C4orf36: variants seen among roughly 807,000 people sequenced by gnomAD.
C4orf36 encodes the protein chromosome 4 open reading frame 36.
C4orf36 carries 11 observed loss-of-function variants against 12.2 expected under a neutral mutation model. That is an observed-to-expected ratio of 0.90 (90% CI 0.57 to 1.49). The LOEUF (loss-of-function observed/expected upper bound fraction) is 1.49, where lower values mean the gene tolerates loss of function less well. C4orf36 is among the 40% of genes most tolerant of loss of function. The pLI is 0.00. For missense variants in C4orf36, 137 were observed against 133.9 expected, an observed-to-expected ratio of 1.02 and a Z score of -0.11; for synonymous variants, 54 against 51.3, an observed-to-expected ratio of 1.05 and a Z score of -0.22.
the C4orf36 span, among the ~76,000 whole-genome samples, chr4:86,903,924 A>C: frequency 1.3e-5 from 2 of 152,134 alleles, no homozygotes; most frequent in Admixed American, 1.3e-4. Context: ...CAGAGCGCTG[A>C]TTGGTGCGTT....
the C4orf36 span, among the ~76,000 whole-genome samples, chr4:86,929,340 C>T: frequency 6.6e-6 from 1 of 152,084 alleles, no homozygotes; most frequent in African/African-American, 2.4e-5. Flanking sequence ...TGACTGTGGC[C>T]TTTTTTTATT....
At chr4:86,931,662 G>A in the C4orf36 span, among the ~76,000 whole-genome samples, 4 of 152,108 alleles carry the variant, frequency 2.6e-5, no homozygotes, top group Admixed American at 1.3e-4. Context: ...TCCTCCCAAC[G>A]TGCTGGGATT....
the C4orf36 span, among the ~76,000 whole-genome samples, chr4:86,897,780 G>A: frequency 2.0e-5 from 3 of 152,074 alleles, no homozygotes. Flanking sequence ...TACAGCCTAG[G>A]ATCCTCTGCA....
At chr4:86,908,942 G>C in the C4orf36 span, among the ~76,000 whole-genome samples, 1 of 152,154 alleles carries the variant, frequency 6.6e-6, no homozygotes, top group Non-Finnish European at 1.5e-5. Context: ...ATCAGGGCTT[G>C]TACTTGGGAG....
chr4:86,927,820 G>T, the C4orf36 span, among the ~76,000 whole-genome samples: 13 of 151,504 alleles, frequency 8.6e-5, no homozygotes, highest in East Asian at 2.1e-3. Context: ...AAAAATTCTG[G>T]AAAGCCTGGA....
chr4:86,916,811 TG>T, the C4orf36 span, among the ~76,000 whole-genome samples: 1 of 152,202 alleles, frequency 6.6e-6, no homozygotes, highest in Non-Finnish European at 1.5e-5. Flanking sequence ...TTCATGGTAA[TG>T]GGAATACAGC....
the C4orf36 span, among the ~76,000 whole-genome samples, chr4:86,908,654 T>TCTCC: frequency 3.4e-3 from 499 of 148,594 alleles, 4 homozygotes; most frequent in African/African-American, 0.012. Flanking sequence ...ACTCTCTCTC[T>TCTCC]CTCCCTCCCT....
the C4orf36 span, among the ~76,000 whole-genome samples, chr4:86,917,709 G>A: frequency 6.6e-6 from 1 of 152,126 alleles, no homozygotes; most frequent in Non-Finnish European, 1.5e-5. Flanking sequence ...TCTAAGAAGT[G>A]TGTTGTTAGC....
the C4orf36 span, among the ~76,000 whole-genome samples, chr4:86,931,686 C>T: frequency 7.9e-5 from 12 of 152,310 alleles, no homozygotes; most frequent in East Asian, 1.9e-3. Flanking sequence ...AACGTGATCA[C>T]AGTGCCTGGC....
At chr4:86,882,699 T>C (rs1747076160) in intron 4 of C4orf36, among the ~76,000 whole-genome samples, 1 of 152,202 alleles carries the variant, frequency 6.6e-6, no homozygotes, top group African/African-American at 2.4e-5. Context: ...TAGTTCACTT[T>C]TGATATAGAG....
intron 2 of C4orf36, among the ~76,000 whole-genome samples, chr4:86,890,658 T>C (rs1013827812): frequency 2.0e-5 from 3 of 152,190 alleles, no homozygotes; most frequent in African/African-American, 7.2e-5. Flanking sequence ...GGAATCCTCA[T>C]TTACTTCACA....
the C4orf36 span, among the ~76,000 whole-genome samples, chr4:86,907,875 A>G: frequency 6.6e-6 from 1 of 151,838 alleles, no homozygotes; most frequent in African/African-American, 2.4e-5. Context: ...AGGCTGAGGC[A>G]GGAGAATTGC....
the C4orf36 span, among the ~76,000 whole-genome samples, chr4:86,921,658 A>T: frequency 3.3e-3 from 500 of 152,308 alleles, 1 homozygote; most frequent in African/African-American, 0.011. Context: ...TTTAATTTTT[A>T]AAATTATAGT....
intron 2 of C4orf36, among the ~76,000 whole-genome samples, chr4:86,890,958 T>G (rs1318574463): frequency 2.0e-5 from 3 of 152,150 alleles, no homozygotes; most frequent in Non-Finnish European, 4.4e-5. Context: ...CACGTCTTCT[T>G]GATTGGAAAG....
At chr4:86,921,486 G>A in the C4orf36 span, among the ~76,000 whole-genome samples, 1 of 152,078 alleles carries the variant, frequency 6.6e-6, no homozygotes. Flanking sequence ...TAATATGTAT[G>A]TTTATTTTTA....
chr4:86,889,988 T>C, intron 2 of C4orf36: 1 of 442,474 alleles, frequency 2.3e-6, no homozygotes, highest in Admixed American at 2.4e-5. Flanking sequence ...GACAGGAGTT[T>C]GAGACTAGCC....
chr4:86,892,688 G>A (rs976848628), upstream of C4orf36, among the ~76,000 whole-genome samples: 21 of 152,372 alleles, frequency 1.4e-4, no homozygotes, highest in African/African-American at 4.8e-4. Context: ...TTAAAGAAAT[G>A]TACCCAGTCC....
the C4orf36 span, among the ~76,000 whole-genome samples, chr4:86,910,800 T>A: frequency 6.6e-6 from 1 of 152,240 alleles, no homozygotes; most frequent in African/African-American, 2.4e-5. Context: ...GCACAGTGGC[T>A]CATGTCTGTA....
the C4orf36 span, among the ~76,000 whole-genome samples, chr4:86,921,492 T>G: frequency 2.0e-5 from 3 of 152,324 alleles, no homozygotes; most frequent in Middle Eastern, 3.4e-3. Flanking sequence ...GTATGTTTAT[T>G]TTTAAATGTT....
Sources: allele counts gnomAD v4.1 joint callset (sites outside exome capture counted in the v4.1 genomes callset), GRCh38; gene constraint gnomAD v4.1.1; transcripts MANE v1.5; gene names NCBI Gene and HGNC (gene_info 2026-07-23, HGNC 2026-07-21).